TLN1: variants seen among roughly 807,000 people sequenced by gnomAD.
TLN1 encodes talin 1, also known as talin-1.
A neutral mutation model predicts 292.3 loss-of-function variants in TLN1; 56 were observed. The ratio of observed to expected loss-of-function variants is 0.19; its 90% CI spans 0.15 to 0.24. TLN1 has a LOEUF of 0.24. Among genes scored for constraint, TLN1 ranks in the 10% least tolerant of loss-of-function variants. The pLI, the probability that TLN1 is intolerant of heterozygous loss-of-function variation, is 1.00. For synonymous variants in TLN1, 1,119 were observed against 1,253.7 expected (o/e 0.89, Z 2.27); for missense variants, 2,433 against 3,248.2 (o/e 0.75, Z 6.10).
chr9:35,706,727 C>T lies in TLN1; in HGVS notation c.5088+41G>A. ...CAGCTTCTTTGAGTCTGATATTTCT[C>T]TTCCTAGACACATCTTTCCATATAA... On this transcript the variant is annotated intron_variant, in intron 38 of 56. Coordinates refer to ENST00000314888, the MANE Select transcript of TLN1 (RefSeq NM_006289.4). This position sits in a 1 kb window ranked among gnomAD's most constrained non-coding sequence, Gnocchi z 4.2. 1 of 1,604,126 alleles carries T rather than the reference C, an allele frequency of 6.2e-7. No homozygotes were observed.
At position 35,720,164 on chromosome 9, in the gene TLN1, C is replaced by G. The variant is rs777398726; in HGVS notation, c.1339G>C (p.Val447Leu). ...GAGCGCATGATGGCAGGCAGGGCCACAGAGCCATGCTCCACTTTCCCCACC... is the reference window on the plus strand; with the variant it reads ...GAGCGCATGATGGCAGGCAGGGCCAGAGAGCCATGCTCCACTTTCCCCACC... ...NRVGKVEHGS[V>L]ALPAIMRSGA... The change falls in exon 13 of 57, where the codon GTG becomes CTG. Residue 447 changes from valine to leucine, a missense_variant. Transcript: ENST00000314888. 1.2e-6 allele frequency: 2 copies of G among 1,610,820 alleles called. No homozygotes were observed. The highest frequency in any genetic ancestry group is 2.2e-5 in the South Asian group (2 of 90,600).
chr9:35,720,228 G>A lies in TLN1; in HGVS notation c.1284-9C>T, dbSNP rs200096910. ...GCTGCAGGACTGTTGACCTGTAGAG[G>A]GGTGAACTATTGAGCTCACAGAGGA... On this transcript the variant is annotated splice_polypyrimidine_tract_variant and intron_variant, in intron 12 of 56. Coordinates refer to ENST00000314888, the MANE Select transcript of TLN1 (RefSeq NM_006289.4). 2 of 1,572,582 alleles carry A rather than the reference G, an allele frequency of 1.3e-6. No homozygotes were observed. The highest frequency in any genetic ancestry group is 4.5e-5 in the East Asian group (2 of 44,580).
chr9:35,702,045 C>A (rs1445957934), intron 48 of TLN1, among the ~76,000 whole-genome samples: 1 of 152,148 alleles, frequency 6.6e-6, no homozygotes, highest in Non-Finnish European at 1.5e-5. Context: ...AGGGAGAAAA[C>A]TGGTGCCACA....
intron 48 of TLN1, among the ~76,000 whole-genome samples, chr9:35,702,708 G>T (rs1057106431): frequency 7.2e-5 from 11 of 151,888 alleles, no homozygotes; most frequent in African/African-American, 2.4e-4. Context: ...GGCCAGGCTG[G>T]TCTCGAACTC....
chr9:35,730,645 T>C (rs1395393284), intron 1 of TLN1, among the ~76,000 whole-genome samples: 2 of 151,716 alleles, frequency 1.3e-5, no homozygotes, highest in Non-Finnish European at 2.9e-5. Context: ...GGATTAAAGG[T>C]TGGTGAGGGA....
rs201702298 is a variant in TLN1, at chr9:35,717,769, G to T, written c.2013C>A (p.Leu671=). The T allele has an allele frequency of 7.5e-6, 12 of 1,606,998 alleles. No individual in the cohort carries two copies. In the East Asian group the frequency reaches 2.7e-4, roughly 36 times the overall value. ...CTGCAGCACTTGCCACAGCTTTGGCGAGCTGCATTAGCGCATCCTGTGAGA... is the reference window on the plus strand; with the variant it reads ...CTGCAGCACTTGCCACAGCTTTGGCTAGCTGCATTAGCGCATCCTGTGAGA... ...DPHFQDALMQ[L]AKAVASAAAA... Residue 671 remains leucine (L), a synonymous_variant, in exon 18 of 57, where the codon CTC becomes CTA. Transcript: ENST00000314888. The surrounding 1 kb of genome is among the most constrained non-coding windows in gnomAD (Gnocchi z 4.7).
intron 27 of TLN1, among the ~76,000 whole-genome samples, 154 bp downstream of exon 27, chr9:35,712,681 A>C (rs1368393640): frequency 1.3e-5 from 2 of 151,572 alleles, no homozygotes; most frequent in Non-Finnish European, 2.9e-5. Flanking sequence ...CTAAGAGAAC[A>C]TAAGGGTGGA....
Position 35,724,212 on chromosome 9 carries a change from G to A in TLN1, c.634C>T (p.Leu212=), listed in dbSNP as rs750061063. ...CATACCTGCACATACAGGAGGTTCA[G>A]CTGTACAGGGTCCCGGGAATCCACA... ...QNVDSRDPVQ[L]NLLYVQARDD... is the part of the protein sequence containing the mutation. The change falls in exon 6 of 57, where the codon CTG becomes TTG. Residue 212 remains leucine, a synonymous_variant. Transcript: ENST00000314888. The surrounding 1 kb of genome is among the most constrained non-coding windows in gnomAD (Gnocchi z 4.7). 9 of 1,614,166 alleles carry A rather than the reference G, an allele frequency of 5.6e-6. No individual in the cohort carries two copies. In the South Asian group the frequency reaches 8.8e-5, roughly 16 times the overall value.
chr9:35,697,662 G>C lies in TLN1; in HGVS notation c.*129C>G. 1 of 1,382,456 alleles carries C rather than the reference G, an allele frequency of 7.2e-7. No homozygotes were observed. Among genetic ancestry groups the C allele is most frequent in the Non-Finnish European group, 9.8e-7 (1 of 1,017,014 alleles). The allele number at this position is 1,382,456 out of a possible 1,614,324, so 85.6% of individuals were successfully genotyped here. On this transcript the variant is annotated 3_prime_UTR_variant, in exon 57 of 57. Coordinates refer to ENST00000314888, the MANE Select transcript of TLN1 (RefSeq NM_006289.4). ...GTACTGCGGGACTGGGCGGGGCCAGGCCCTGGGGTTTGGCAGGCACTTTGG... is the reference window on the plus strand; with the variant it reads ...GTACTGCGGGACTGGGCGGGGCCAGCCCCTGGGGTTTGGCAGGCACTTTGG...
At position 35,715,337 on chromosome 9, in the gene TLN1, G is replaced by A; in HGVS notation, c.2626-150C>T. The A allele has an allele frequency of 4.4e-6, 5 of 1,139,788 alleles. No individual in the cohort carries two copies. The South Asian group carries it at 6.5e-5, about 15-fold the overall frequency. The allele number at this position is 1,139,788 out of a possible 1,614,324, so 70.6% of individuals were successfully genotyped here. ...CCCACCAAAAGGCAATCACCTTTGA[G>A]AGGAGCTGACTCATGAAGGTCAATG... On this transcript the variant is annotated intron_variant, in intron 20 of 56. Transcript: ENST00000314888.
rs1258826553 is a variant in TLN1 at position 35,699,402 on chromosome 9, C to T, written c.6828G>A (p.Val2276=). 1 of 1,613,930 alleles carries T rather than the reference C, an allele frequency of 6.2e-7. No individual in the cohort carries two copies. Among genetic ancestry groups the T allele is most frequent in the Non-Finnish European group, 8.5e-7 (1 of 1,179,954 alleles). The change falls in exon 51 of 57, where the codon GTG becomes GTA. Residue 2276 remains valine (V), a synonymous_variant. Coordinates refer to ENST00000314888, the MANE Select transcript of TLN1 (RefSeq NM_006289.4). This position sits in a 1 kb window ranked among gnomAD's most constrained non-coding sequence, Gnocchi z 4.0. The part of the protein sequence containing the change: ...KQQLTGHSKR[V]AGSVTELIQA... Reference sequence around the variant, plus strand: ...GGATGAGCTCAGTGACGGAACCAGCCACACGCTTTGAATGTCCTGTCAACT... The same window carrying T: ...GGATGAGCTCAGTGACGGAACCAGCTACACGCTTTGAATGTCCTGTCAACT...
chr9:35,697,738 T>G lies in TLN1; in HGVS notation c.*53A>C. On this transcript the variant is annotated 3_prime_UTR_variant, in exon 57 of 57. Coordinates refer to ENST00000314888, the MANE Select transcript of TLN1 (RefSeq NM_006289.4). Reference sequence around the variant, plus strand: ...GCCCCGACAGCCCAGAAGGCTTTGGTAGTGGCACGCACAGTCTCTGGGCCG... The same window carrying G: ...GCCCCGACAGCCCAGAAGGCTTTGGGAGTGGCACGCACAGTCTCTGGGCCG... 6.3e-7 allele frequency: 1 copy of G among 1,599,000 alleles called. No homozygotes were observed. The highest frequency in any genetic ancestry group is 8.5e-7 in the Non-Finnish European group (1 of 1,171,260).
rs1216869896 is a variant in TLN1 at position 35,699,073 on chromosome 9, C to T, written c.6958G>A (p.Ala2320Thr). ...LGAAAAIEAA[A>T]KKLEQLKPRA... ...GGCTTCAGCTGCTCTAGCTTTTTGG[C>T]TGCAGCCTCAATGGCGGCTGCAGCT... is the stretch of plus-strand genomic sequence containing the variant. The change falls in exon 52 of 57, where the codon GCC becomes ACC. Residue 2320 changes from alanine to threonine, a missense_variant. Coordinates refer to ENST00000314888, the MANE Select transcript of TLN1 (RefSeq NM_006289.4). This position sits in a 1 kb window ranked among gnomAD's most constrained non-coding sequence, Gnocchi z 4.0. 1 of 1,613,932 alleles carries T rather than the reference C, an allele frequency of 6.2e-7. No individual in the cohort carries two copies. The highest frequency in any genetic ancestry group is 2.2e-5 in the East Asian group (1 of 44,866).
chr9:35,722,954 AGAC>A, intron 7 of TLN1, 33 bp from the exon 8 acceptor site: 1 of 1,604,486 alleles, frequency 6.2e-7, no homozygotes, highest in East Asian at 2.2e-5. Flanking sequence ...AGCATGTGGT[AGAC>A]AGCATCAGGG....
Position 35,717,078 on chromosome 9 carries a change from G to C in TLN1, c.2458+68C>G, listed in dbSNP as rs1825798014. On this transcript the variant is annotated intron_variant, in intron 19 of 56. Transcript: ENST00000314888. The surrounding 1 kb of genome is among the most constrained non-coding windows in gnomAD (Gnocchi z 4.7). ...GGGTGAAGTGGTTAGGTCCGCAAGGGGATGATGTCCAGTGGGCTTAGGGAA... is the reference window on the plus strand; with the variant it reads ...GGGTGAAGTGGTTAGGTCCGCAAGGCGATGATGTCCAGTGGGCTTAGGGAA... The C allele has an allele frequency of 6.6e-7, 1 of 1,524,006 alleles. No individual in the cohort carries two copies. Among genetic ancestry groups the C allele is most frequent in the Non-Finnish European group, 8.8e-7 (1 of 1,130,966 alleles). The allele number at this position is 1,524,006 out of a possible 1,614,324, so 94.4% of individuals were successfully genotyped here. A position where few individuals can be genotyped will look rare whatever the true frequency, so the allele number is the denominator to read the frequency against.
chr9:35,724,769 T>C lies in TLN1; in HGVS notation c.359-45A>G, dbSNP rs765841507. On this transcript the variant is annotated intron_variant, in intron 4 of 56. Coordinates refer to ENST00000314888, the MANE Select transcript of TLN1 (RefSeq NM_006289.4). This position sits in a 1 kb window ranked among gnomAD's most constrained non-coding sequence, Gnocchi z 4.7. ...GTTAGCTTCCCAGGTACTGCATCCATGCCTTTTGAGAGAGTTGAGGCTTTC... is the reference window on the plus strand; with the variant it reads ...GTTAGCTTCCCAGGTACTGCATCCACGCCTTTTGAGAGAGTTGAGGCTTTC... The C allele has an allele frequency of 3.1e-6, 5 of 1,613,700 alleles. No individual in the cohort carries two copies. The highest frequency in any genetic ancestry group is 4.2e-6 in the Non-Finnish European group (5 of 1,179,742).
chr9:35,716,308 C>A (rs1825782339), intron 20 of TLN1, 82 bp downstream of exon 20: 2 of 1,514,188 alleles, frequency 1.3e-6, no homozygotes, highest in Non-Finnish European at 1.8e-6. Context: ...CTGGGTCTCC[C>A]TCATCAGATG....
In TLN1 at chr9:35,698,207, C is replaced by T. The variant is rs1294023894; in HGVS notation, c.7372-35G>A. 6.2e-7 allele frequency: 1 copy of T among 1,612,986 alleles called. No homozygotes were observed. The highest frequency in any genetic ancestry group is 8.5e-7 in the Non-Finnish European group (1 of 1,179,354). ...GAGAAAGTGGCCTAGGTTGAGAACTCAGGTACGGTCCCAGTTGAGACAGTA... is the reference window on the plus strand; with the variant it reads ...GAGAAAGTGGCCTAGGTTGAGAACTTAGGTACGGTCCCAGTTGAGACAGTA... On this transcript the variant is annotated intron_variant, in intron 55 of 56. Transcript: ENST00000314888. The surrounding 1 kb of genome is among the most constrained non-coding windows in gnomAD (Gnocchi z 5.3).
chr9:35,707,672 G>T lies in TLN1; in HGVS notation c.4632+59C>A. The T allele has an allele frequency of 6.2e-7, 1 of 1,608,070 alleles. No individual in the cohort carries two copies. The highest frequency in any genetic ancestry group is 1.1e-5 in the South Asian group (1 of 90,580). Reference sequence around the variant, plus strand: ...AGAAGGCTTCAGAGAATAACTGGGGGACTCGGGGGAGAAGATAGGACAGGT... The same window carrying T: ...AGAAGGCTTCAGAGAATAACTGGGGTACTCGGGGGAGAAGATAGGACAGGT... On this transcript the variant is annotated intron_variant, in intron 35 of 56. Transcript: ENST00000314888. This position sits in a 1 kb window ranked among gnomAD's most constrained non-coding sequence, Gnocchi z 5.6.
Sources: allele counts gnomAD v4.1 joint callset (sites outside exome capture counted in the v4.1 genomes callset), GRCh38; gene constraint gnomAD v4.1.1; non-coding constraint Gnocchi (gnomAD v3.1); transcripts MANE v1.5; gene names NCBI Gene and HGNC (gene_info 2026-07-23, HGNC 2026-07-21).